DCAF5: variants seen among roughly 807,000 people sequenced by gnomAD.
DCAF5 encodes DDB1- and CUL4-associated factor 5.
Under a neutral mutation model 80.7 loss-of-function variants are expected in DCAF5, and 9 were observed. The ratio of observed to expected loss-of-function variants is 0.11; its 90% CI spans 0.07 to 0.19. The LOEUF (loss-of-function observed/expected upper bound fraction) is 0.19. DCAF5 is among the 10% of genes least tolerant of loss of function. The probability of loss-of-function intolerance (pLI) is 1.00; values close to 1 mark genes in which losing one functional copy is unlikely to be tolerated. For missense variants in DCAF5, 842 were observed against 1,205.7 expected (o/e 0.70, Z 4.47); for synonymous variants, 433 against 461.9 (o/e 0.94, Z 0.80).
intron 5 of DCAF5, among the ~76,000 whole-genome samples, chr14:69,105,409 G>A (rs559383367): frequency 6.4e-4 from 97 of 152,134 alleles, no homozygotes; most frequent in Admixed American, 3.3e-3. Context: ...GTCACATATC[G>A]TGATGGCCAA....
intron 7 of DCAF5, among the ~76,000 whole-genome samples, chr14:69,070,538 G>A (rs772584285): frequency 6.6e-6 from 1 of 152,204 alleles, no homozygotes; most frequent in Non-Finnish European, 1.5e-5. Flanking sequence ...CAGACATGTA[G>A]TTAGTGGTAG....
intron 1 of DCAF5, among the ~76,000 whole-genome samples, chr14:69,150,120 AT>A: frequency 6.6e-6 from 1 of 152,384 alleles, no homozygotes; most frequent in South Asian, 2.1e-4. Context: ...CAAGGAACAA[AT>A]AGGAAAAGCT....
intron 6 of DCAF5, chr14:69,083,883 G>C: frequency 1.3e-6 from 1 of 768,968 alleles, no homozygotes; most frequent in Non-Finnish European, 2.4e-6. Context: ...GCCTGCCCCT[G>C]GGACTGACAG....
chr14:69,145,899 G>C (rs2140124890), intron 1 of DCAF5, among the ~76,000 whole-genome samples: 1 of 152,292 alleles, frequency 6.6e-6, no homozygotes, highest in East Asian at 1.9e-4. Flanking sequence ...ATTAGCAATG[G>C]AAGTGCTCTT....
chr14:69,063,158 A>C (rs1023978850), intron 7 of DCAF5, among the ~76,000 whole-genome samples: 1 of 152,198 alleles, frequency 6.6e-6, no homozygotes, highest in South Asian at 2.1e-4. Flanking sequence ...AGAATTAGAG[A>C]GTGGGCCTTA....
At chr14:69,058,091 C>T (rs969082575) in intron 8 of DCAF5, among the ~76,000 whole-genome samples, 1 of 152,178 alleles carries the variant, frequency 6.6e-6, no homozygotes, top group South Asian at 2.1e-4. Context: ...AAGTACTGAC[C>T]GTTCCTATTA....
chr14:69,141,228 G>A (rs2041364301), intron 1 of DCAF5, among the ~76,000 whole-genome samples: 1 of 151,374 alleles, frequency 6.6e-6, no homozygotes, highest in South Asian at 2.1e-4. Context: ...TCTACTAGAG[G>A]CATCCCATAG....
At chr14:69,114,219 G>A (rs1293819673) in intron 5 of DCAF5, among the ~76,000 whole-genome samples, 1 of 152,130 alleles carries the variant, frequency 6.6e-6, no homozygotes, top group Admixed American at 6.6e-5. Flanking sequence ...CTTTGATGTA[G>A]CAAAGTCCGT....
intron 7 of DCAF5, among the ~76,000 whole-genome samples, chr14:69,066,415 A>G (rs767161321): frequency 2.0e-5 from 3 of 152,264 alleles, no homozygotes; most frequent in East Asian, 1.9e-4. Flanking sequence ...GATTACAGGC[A>G]TGAGCCACTG....
At chr14:69,111,531 A>T (rs2040366308) in intron 5 of DCAF5, among the ~76,000 whole-genome samples, 1 of 152,194 alleles carries the variant, frequency 6.6e-6, no homozygotes, top group Non-Finnish European at 1.5e-5. Context: ...GAAAATAAAG[A>T]GATTGGAAGG....
chr14:69,089,826 G>T (rs1438973690), intron 6 of DCAF5: 3 of 635,950 alleles, frequency 4.7e-6, no homozygotes, highest in Non-Finnish European at 5.9e-6. Context: ...GCTTCTAGTA[G>T]GAAGAGGCTA....
At chr14:69,141,138 TTAAAAAA>T (rs2041359646) in intron 1 of DCAF5, among the ~76,000 whole-genome samples, 1 of 81,780 alleles carries the variant, frequency 1.2e-5, no homozygotes, top group African/African-American at 6.0e-5. Context: ...CATCTCAAAT[TTAAAAAA>T]AAAAAAAAAA....
intron 5 of DCAF5, among the ~76,000 whole-genome samples, chr14:69,101,010 A>G (rs545529210): frequency 1.5e-4 from 23 of 152,368 alleles, no homozygotes; most frequent in African/African-American, 5.3e-4. Context: ...CATGTATATC[A>G]TATCATCTAA....
At chr14:69,108,472 T>C (rs2040242520) in intron 5 of DCAF5, among the ~76,000 whole-genome samples, 1 of 151,550 alleles carries the variant, frequency 6.6e-6, no homozygotes, top group African/African-American at 2.4e-5. Flanking sequence ...GAGACGGAAA[T>C]GGGTATGAAA....
At position 69,057,333 on chromosome 14, in the gene DCAF5, G is replaced by A. The variant is rs923178804; in HGVS notation, c.1075-1722C>T. 2.1e-5 allele frequency among the ~76,000 whole-genome samples: 3 copies of A among 144,742 alleles called. No homozygotes were observed. The East Asian group carries it at 7.5e-4, about 36-fold the overall frequency. The allele number at this position is 144,742 out of a possible 152,430, so 95.0% of individuals were successfully genotyped here. A position where few individuals can be genotyped will look rare whatever the true frequency, so the allele number is the denominator to read the frequency against. The stretch of plus-strand genomic sequence containing the variant: ...AGAAAGGAAGCTGAGGGGTCCAAAA[G>A]GGAAAGCCCTTAGGATTTTTTTTTT... On this transcript the variant is annotated intron_variant, in intron 8 of 8. Coordinates refer to ENST00000341516, the MANE Select transcript of DCAF5 (RefSeq NM_003861.3).
rs1215353634 is a variant in DCAF5, at chr14:69,089,912, AT to A, written c.879+1761del. On this transcript the variant is annotated intron_variant, in intron 6 of 8. Coordinates refer to ENST00000341516, the MANE Select transcript of DCAF5 (RefSeq NM_003861.3). ...GAACTATCTAGCCAAAATGTTAACA[AT>A]GATAAGGATGGGAAACCATGGTCTA... 7 of 984,586 alleles carry A rather than the reference AT, an allele frequency of 7.1e-6. No homozygotes were observed. The East Asian group carries it at 7.9e-4, about 112-fold the overall frequency. 61.0% of individuals were successfully genotyped at this position (984,586 alleles called of 1,614,324 possible).
At position 69,126,265 on chromosome 14, in the gene DCAF5, C is replaced by A. The variant is rs555049656; in HGVS notation, c.215-3905G>T. On this transcript the variant is annotated intron_variant, in intron 1 of 8. Coordinates refer to ENST00000341516, the MANE Select transcript of DCAF5 (RefSeq NM_003861.3). ...CTCTGCCTCCCGGGTTCAAGCAATTCTCCTGCCTCAGCCTCCTGAGTAGCT... is the reference window on the plus strand; with the variant it reads ...CTCTGCCTCCCGGGTTCAAGCAATTATCCTGCCTCAGCCTCCTGAGTAGCT... Among the ~76,000 whole-genome samples the A allele has an allele frequency of 8.6e-5, 13 of 150,564 alleles. 2 individuals are homozygous for A. In the Middle Eastern group the frequency reaches 0.031, roughly 355 times the overall value.
At chr14:69,086,541 A>G (rs1454025648) in intron 6 of DCAF5, among the ~76,000 whole-genome samples, 2 of 151,762 alleles carry the variant, frequency 1.3e-5, no homozygotes, top group African/African-American at 2.4e-5. Flanking sequence ...CATTAAAAGT[A>G]TATCTTTATT....
rs892851553 is a variant in DCAF5, at chr14:69,152,647, G to C, written c.214+118C>G. The C allele has an allele frequency of 8.0e-5, 57 of 709,932 alleles. No homozygotes were observed. Among genetic ancestry groups the C allele is most frequent in the Non-Finnish European group, 1.1e-4 (45 of 427,900 alleles). The allele number at this position is 709,932 out of a possible 1,614,324, so 44.0% of individuals were successfully genotyped here. A position where few individuals can be genotyped will look rare whatever the true frequency, so the allele number is the denominator to read the frequency against. ...ACACCAAACCTTCCCACCGCAGAAGGGGGTAGAGAAAGGGAGGGGGTGGGG... is the reference window on the plus strand; with the variant it reads ...ACACCAAACCTTCCCACCGCAGAAGCGGGTAGAGAAAGGGAGGGGGTGGGG... On this transcript the variant is annotated intron_variant, in intron 1 of 8. Transcript: ENST00000341516. The surrounding 1 kb of genome is among the most constrained non-coding windows in gnomAD (Gnocchi z 4.1).
Sources: gnomAD v4.1 joint callset for allele counts (sites outside exome capture counted in the v4.1 genomes callset) on GRCh38, gnomAD v4.1.1 for gene constraint, Gnocchi (gnomAD v3.1) non-coding constraint, MANE v1.5 for transcripts, NCBI Gene and HGNC (gene_info 2026-07-23, HGNC 2026-07-21) for gene names.